Variants in LIMCH1 observed in about 807,000 individuals in gnomAD.
LIMCH1 encodes LIM and calponin homology domains 1, also known as LIM and calponin homology domains-containing protein 1.
A neutral mutation model predicts 176.5 loss-of-function variants in LIMCH1; 113 were observed. The ratio of observed to expected loss-of-function variants is 0.64; its 90% CI spans 0.55 to 0.75. The LOEUF (loss-of-function observed/expected upper bound fraction) is 0.75. Ranked by LOEUF, LIMCH1 falls within the 30% of genes least tolerant of loss-of-function variation. The pLI, the probability that LIMCH1 is intolerant of heterozygous loss-of-function variation, is 0.00. For synonymous variants in LIMCH1, 619 were observed against 645.9 expected (o/e 0.96, Z 0.63); for missense variants, 1,674 against 1,814.9 (o/e 0.92, Z 1.41).
intron 19 of LIMCH1, 92 bp downstream of exon 19, chr4:41,661,602 A>T (rs1478141758): frequency 3.2e-6 from 3 of 952,326 alleles, no homozygotes; most frequent in Admixed American, 4.2e-5. Flanking sequence ...ACTGAGCCAC[A>T]GGAAAGTAGT....
intron 9 of LIMCH1, 57 bp downstream of exon 9, chr4:41,629,791 G>A: frequency 6.8e-7 from 1 of 1,475,384 alleles, no homozygotes; most frequent in Non-Finnish European, 8.9e-7. Flanking sequence ...TCATTTTGAA[G>A]GCATCAAATG....
At position 41,476,019 on chromosome 4, in the gene LIMCH1, TG is replaced by T. The variant is rs375685583; in HGVS notation, c.97-18515del. Among the ~76,000 whole-genome samples the T allele has an allele frequency of 9.2e-4, 140 of 152,338 alleles. No individual in the cohort carries two copies. In the Middle Eastern group the frequency reaches 0.02, roughly 22 times the overall value. On this transcript the variant is annotated intron_variant, in intron 1 of 26. Coordinates refer to the LIMCH1 transcript ENST00000313860. ...CAAGGTCTTGCTCTGTCGCCCAGGC[TG>T]GAGGGCAGTGGCATGATTATAGCTC... is the stretch of plus-strand genomic sequence containing the variant.
At chr4:41,360,026 G>GGGGTGTGTGTGTGTGT (rs1272581302), upstream of LIMCH1, among the ~76,000 whole-genome samples, 1 of 145,774 alleles carries the variant, frequency 6.9e-6, no homozygotes, top group African/African-American at 2.6e-5. The surrounding 1 kb of genome is among the most constrained non-coding windows in gnomAD (Gnocchi z 4.5). Context: ...GGGTGTGTAG[G>GGGGTGTGTGTGTGTGT]GTGTGTGTGT....
intron 4 of LIMCH1, chr4:41,609,654 A>C (rs1350239929): frequency 4.4e-6 from 2 of 455,868 alleles, no homozygotes; most frequent in Admixed American, 2.4e-5. Context: ...GATAGGAGGA[A>C]GATGAGTAAA....
chr4:41,409,927 A>G (rs2059333890), intron 1 of LIMCH1, among the ~76,000 whole-genome samples: 1 of 152,204 alleles, frequency 6.6e-6, no homozygotes, highest in African/African-American at 2.4e-5. Flanking sequence ...TTTCTTCCTT[A>G]TGCAATCATT....
intron 2 of LIMCH1, among the ~76,000 whole-genome samples, chr4:41,502,898 G>A (rs1215719318): frequency 2.8e-5 from 4 of 141,064 alleles, no homozygotes; most frequent in African/African-American, 8.8e-5. Context: ...GAATAAGCAC[G>A]GAGGTAAATC....
In LIMCH1 at chr4:41,626,999, A is replaced by G; in HGVS notation, c.1017A>G (p.Leu339=). 1.3e-6 allele frequency: 2 copies of G among 1,530,286 alleles called. No individual in the cohort carries two copies. Among genetic ancestry groups the G allele is most frequent in the Non-Finnish European group, 1.7e-6 (2 of 1,146,316 alleles). 94.8% of individuals were successfully genotyped at this position (1,530,286 alleles called of 1,614,324 possible). A position where few individuals can be genotyped will look rare whatever the true frequency, so the allele number is the denominator to read the frequency against. The change falls in exon 8 of 32, where the codon CTA becomes CTG. Residue 339 remains leucine, a synonymous_variant. Transcript: ENST00000503057. ...LSKGISKKRS[L]EYKRNQGHTE... ...AGGGAATCTCAAAAAAAAGAAGTCTAGAATATAAAAGGTGTGCATGGTGTG... is the reference window on the plus strand; with the variant it reads ...AGGGAATCTCAAAAAAAAGAAGTCTGGAATATAAAAGGTGTGCATGGTGTG...
intron 1 of LIMCH1, among the ~76,000 whole-genome samples, chr4:41,449,887 G>A (rs2154146057): frequency 6.6e-6 from 1 of 152,304 alleles, no homozygotes; most frequent in East Asian, 1.9e-4. Context: ...AGGGCTGTGG[G>A]GAAGGATCTG....
intron 4 of LIMCH1, among the ~76,000 whole-genome samples, chr4:41,608,055 A>G (rs1383564901): frequency 6.6e-6 from 1 of 152,254 alleles, no homozygotes; most frequent in Non-Finnish European, 1.5e-5. Flanking sequence ...ATTCACATAA[A>G]TGAGACGTGG....
At chr4:41,675,700 C>T (rs1367235221) in intron 22 of LIMCH1, among the ~76,000 whole-genome samples, 2 of 151,922 alleles carry the variant, frequency 1.3e-5, no homozygotes, top group Non-Finnish European at 2.9e-5. Flanking sequence ...ATTCTGTGGC[C>T]TGGGCACCTG....
At chr4:41,678,398 G>C (rs999212320) in intron 23 of LIMCH1, among the ~76,000 whole-genome samples, 2 of 152,084 alleles carry the variant, frequency 1.3e-5, no homozygotes, top group Non-Finnish European at 2.9e-5. Context: ...ACTGTTAGTA[G>C]GAACCCGATT....
chr4:41,682,072 ATGAGCGGTCCTATGACTGTT>A (rs1716459130), intron 25 of LIMCH1, among the ~76,000 whole-genome samples: 1 of 152,234 alleles, frequency 6.6e-6, no homozygotes, highest in Non-Finnish European at 1.5e-5. Flanking sequence ...TTGTCCTGAA[ATGAGCGGTCCTATGACTGTT>A]TTATTTTGAA....
Position 41,620,654 on chromosome 4 carries a change from G to T in LIMCH1, c.689G>T (p.Gly230Val), listed in dbSNP as rs1327678404. 3.3e-6 allele frequency: 5 copies of T among 1,535,966 alleles called. No individual in the cohort carries two copies. The highest frequency in any genetic ancestry group is 2.7e-5 in the African/African-American group (2 of 73,060). The change falls in exon 7 of 32, where the codon GGA (glycine) becomes GTA (valine). Residue 230 changes from glycine (G) to valine (V), a missense_variant. Gly to Val is a moderately radical substitution (Grantham distance 109). Transcript: ENST00000503057. Reference protein sequence around the residue: ...IQKRKRLEQAGIKVMPAAQRF... With the variant: ...IQKRKRLEQAVIKVMPAAQRF... ...AAGCGCAAAAGGCTAGAGCAAGCTG[G>T]AATCAAGGTCATGCCAGCAGCACAG...
chr4:41,638,828 A>AC (rs2093700149), intron 13 of LIMCH1, 104 bp from the exon 14 acceptor site: 2 of 872,816 alleles, frequency 2.3e-6, no homozygotes, highest in Non-Finnish European at 3.9e-6. Context: ...TCAGCAAAAA[A>AC]GGTTTGGCGC....
At chr4:41,427,827 A>G (rs76235323) in intron 1 of LIMCH1, among the ~76,000 whole-genome samples, 1,877 of 152,284 alleles carry the variant, frequency 0.012, 32 homozygotes, top group African/African-American at 0.037. Context: ...AATTCAATCA[A>G]TCATTCCTGA....
intron 28 of LIMCH1, among the ~76,000 whole-genome samples, 199 bp from the exon 29 acceptor site, chr4:41,687,641 C>T (rs554392270): frequency 1.3e-5 from 2 of 151,774 alleles, no homozygotes; most frequent in Non-Finnish European, 2.9e-5. Context: ...GTAGCTAATA[C>T]ATGTACAATT....
At position 41,650,539 on chromosome 4, in the gene LIMCH1, G is replaced by A. The variant is rs1469782764; in HGVS notation, c.2967G>A (p.Glu989=). ...CCAGAGTGCACGGGTCTCCACTGGA[G>A]CTGAAACAAGACAACGGTAGCATCG... is the stretch of plus-strand genomic sequence containing the variant. The part of the protein sequence containing the change: ...GVARVHGSPL[E]LKQDNGSIEI... The change falls in exon 18 of 32, where the codon GAG becomes GAA. Residue 989 remains glutamate, a synonymous_variant. Coordinates refer to ENST00000503057, the MANE Select transcript of LIMCH1 (RefSeq NM_001330672.2). 1 of 1,613,948 alleles carries A rather than the reference G, an allele frequency of 6.2e-7. No homozygotes were observed. The highest frequency in any genetic ancestry group is 1.3e-5 in the African/African-American group (1 of 74,884).
At chr4:41,571,190 G>A (rs954926086) in intron 1 of LIMCH1, among the ~76,000 whole-genome samples, 4 of 152,022 alleles carry the variant, frequency 2.6e-5, no homozygotes, top group East Asian at 3.9e-4. Flanking sequence ...AGGACTGTTC[G>A]TTAGGGTAGA....
intron 1 of LIMCH1, among the ~76,000 whole-genome samples, chr4:41,389,959 C>G (rs1428806329): frequency 6.6e-6 from 1 of 152,176 alleles, no homozygotes; most frequent in African/African-American, 2.4e-5. Flanking sequence ...CCTTGAAAGC[C>G]TTTCTTCTCC....
Sources: gnomAD v4.1 joint callset for allele counts (sites outside exome capture counted in the v4.1 genomes callset) on GRCh38, gnomAD v4.1.1 for gene constraint, Gnocchi (gnomAD v3.1) non-coding constraint, MANE v1.5 for transcripts, NCBI Gene and HGNC (gene_info 2026-07-23, HGNC 2026-07-21) for gene names.